THSD7B: variants seen among roughly 807,000 people sequenced by gnomAD.
The protein encoded by THSD7B is thrombospondin type-1 domain-containing protein 7B.
THSD7B carries 138 observed loss-of-function variants against 213.6 expected under a neutral mutation model. The ratio of observed to expected loss-of-function variants is 0.65; its 90% CI spans 0.56 to 0.74. The LOEUF (loss-of-function observed/expected upper bound fraction) is 0.74. Among genes scored for constraint, THSD7B ranks in the 30% least tolerant of loss-of-function variants. The pLI is 0.00. For missense variants in THSD7B, 1,931 were observed against 1,991.5 expected, an observed-to-expected ratio of 0.97 and a Z score of 0.58; for synonymous variants, 742 against 687.0, an observed-to-expected ratio of 1.08 and a Z score of -1.25.
At chr2:137,480,702 G>A (rs918371281) in intron 15 of THSD7B, among the ~76,000 whole-genome samples, 6 of 152,202 alleles carry the variant, frequency 3.9e-5, no homozygotes, top group African/African-American at 1.4e-4. Context: ...TTTCATTAGT[G>A]TTTGGAAGAG....
intron 15 of THSD7B, among the ~76,000 whole-genome samples, chr2:137,531,357 T>G (rs1365898243): frequency 6.6e-6 from 1 of 151,900 alleles, no homozygotes; most frequent in Non-Finnish European, 1.5e-5. Context: ...GACACATCGT[T>G]TTGTTGAGCA....
chr2:136,915,426 T>G (rs1573708129), intron 2 of THSD7B, among the ~76,000 whole-genome samples: 1 of 152,212 alleles, frequency 6.6e-6, no homozygotes, highest in African/African-American at 2.4e-5. Context: ...TATCACAGAG[T>G]TTTTAGGAAC....
Position 137,223,906 on chromosome 2 carries a change from C to T in THSD7B, c.1724-7138C>T, listed in dbSNP as rs13396158. Among the ~76,000 whole-genome samples the T allele has an allele frequency of 3.9e-5, 6 of 152,130 alleles. No individual in the cohort carries two copies. In the East Asian group the frequency reaches 5.8e-4, roughly 15 times the overall value. Reference sequence around the variant, plus strand: ...AAAGTGTGCAGTATCCTCCCACCCCCGCTTCCTCCTAACTCAGCCCTGTAA... The same window carrying T: ...AAAGTGTGCAGTATCCTCCCACCCCTGCTTCCTCCTAACTCAGCCCTGTAA... On this transcript the variant is annotated intron_variant, in intron 7 of 27. Coordinates refer to ENST00000409968, the MANE Select transcript of THSD7B (RefSeq NM_001316349.2).
chr2:137,202,638 G>C (rs920595495), intron 7 of THSD7B, among the ~76,000 whole-genome samples: 3 of 152,168 alleles, frequency 2.0e-5, no homozygotes, highest in Non-Finnish European at 2.9e-5. Flanking sequence ...CAAGTTTGTA[G>C]TAATTTGTTA....
At chr2:137,561,138 C>G (rs925308029) in intron 15 of THSD7B, among the ~76,000 whole-genome samples, 2 of 152,134 alleles carry the variant, frequency 1.3e-5, no homozygotes, top group African/African-American at 4.8e-5. Context: ...AGACATTCTC[C>G]CTGTCTTCCA....
intron 2 of THSD7B, among the ~76,000 whole-genome samples, chr2:136,998,261 CAAAAAAA>C (rs33931359): frequency 0.025 from 2,442 of 98,416 alleles, 34 homozygotes; most frequent in East Asian, 0.055. Context: ...ACTAAAAGGC[CAAAAAAA>C]AAAAAAAAAA....
intron 12 of THSD7B, among the ~76,000 whole-genome samples, chr2:137,306,388 T>C (rs1683746160): frequency 6.6e-6 from 1 of 152,126 alleles, no homozygotes; most frequent in African/African-American, 2.4e-5. Context: ...TATAAAACCA[T>C]CACACTTAAG....
chr2:136,882,659 G>A (rs1015128636), intron 2 of THSD7B, among the ~76,000 whole-genome samples: 1 of 152,124 alleles, frequency 6.6e-6, no homozygotes, highest in East Asian at 1.9e-4. Context: ...AGCTAAGAAC[G>A]CTTTGGACCA....
chr2:137,142,969 T>A (rs916937048), intron 5 of THSD7B, among the ~76,000 whole-genome samples: 3 of 152,172 alleles, frequency 2.0e-5, no homozygotes, highest in African/African-American at 7.2e-5. Flanking sequence ...TTAACAGATA[T>A]TTCAATGTTG....
chr2:137,055,908 C>T (rs1040146033), intron 2 of THSD7B, among the ~76,000 whole-genome samples: 5 of 152,184 alleles, frequency 3.3e-5, no homozygotes, highest in Non-Finnish European at 5.9e-5. Context: ...ACATATCTCT[C>T]TTCTGAGCTT....
At chr2:137,358,974 CAG>C (rs780280027) in intron 12 of THSD7B, among the ~76,000 whole-genome samples, 9 of 152,170 alleles carry the variant, frequency 5.9e-5, no homozygotes, top group Non-Finnish European at 1.2e-4. Flanking sequence ...GGGCATTCAT[CAG>C]AGATCAAAAA....
chr2:137,676,705 T>C lies in THSD7B; in HGVS notation c.*100T>C. The C allele has an allele frequency of 9.6e-7, 1 of 1,040,650 alleles. No homozygotes were observed. Among genetic ancestry groups the C allele is most frequent in the South Asian group, 2.0e-5 (1 of 50,382 alleles). The allele number at this position is 1,040,650 out of a possible 1,614,324, so 64.5% of individuals were successfully genotyped here. A position where few individuals can be genotyped will look rare whatever the true frequency, so the allele number is the denominator to read the frequency against. On this transcript the variant is annotated 3_prime_UTR_variant, in exon 28 of 28. Coordinates refer to ENST00000409968, the MANE Select transcript of THSD7B (RefSeq NM_001316349.2). ...TTTTTTGAGGAATCTCAAGATGTGA[T>C]ATATTGGGCAGAATACAAATATTGC... is the stretch of plus-strand genomic sequence containing the variant.
At chr2:137,647,324 A>G (rs1240864048) in intron 21 of THSD7B, among the ~76,000 whole-genome samples, 2 of 152,004 alleles carry the variant, frequency 1.3e-5, no homozygotes, top group African/African-American at 4.8e-5. Flanking sequence ...CTAATAATGG[A>G]TTGTAGCATG....
rs191689914 is a variant in THSD7B, at chr2:137,620,035, G to A, written c.3682-574G>A. 6.6e-5 allele frequency among the ~76,000 whole-genome samples: 10 copies of A among 152,166 alleles called. 1 individual carries two copies. Among genetic ancestry groups the A allele is most frequent in the Admixed American group, 3.9e-4 (6 of 15,286 alleles). ...TTTCACTAGGATCTCTGCTACCTTGGCCATTAGAAAATTTGTATGGTTTGC... is the reference window on the plus strand; with the variant it reads ...TTTCACTAGGATCTCTGCTACCTTGACCATTAGAAAATTTGTATGGTTTGC... On this transcript the variant is annotated intron_variant, in intron 19 of 27. Transcript: ENST00000409968.
intron 2 of THSD7B, among the ~76,000 whole-genome samples, chr2:137,026,402 T>A (rs1265866049): frequency 6.6e-6 from 1 of 152,182 alleles, no homozygotes; most frequent in East Asian, 1.9e-4. Context: ...TTGGGAAGTA[T>A]CTCTGCTTTA....
chr2:137,315,999 C>G (rs949284072), intron 12 of THSD7B, among the ~76,000 whole-genome samples: 1 of 152,046 alleles, frequency 6.6e-6, no homozygotes, highest in Non-Finnish European at 1.5e-5. Context: ...TTTGTGAATT[C>G]TTTTAAAATT....
At chr2:137,184,677 GTCTATA>G (rs1236252116) in intron 7 of THSD7B, among the ~76,000 whole-genome samples, 1 of 151,988 alleles carries the variant, frequency 6.6e-6, no homozygotes, top group Admixed American at 6.6e-5. Flanking sequence ...ATATGTCTAA[GTCTATA>G]TCTATATCTA....
At chr2:137,080,634 T>G (rs1228249525) in intron 3 of THSD7B, among the ~76,000 whole-genome samples, 2 of 152,164 alleles carry the variant, frequency 1.3e-5, no homozygotes, top group Non-Finnish European at 2.9e-5. Flanking sequence ...CTGTTTGTTA[T>G]GTCAGTTTTA....
At chr2:136,940,777 T>G (rs1283944426) in intron 2 of THSD7B, among the ~76,000 whole-genome samples, 1 of 148,224 alleles carries the variant, frequency 6.7e-6, no homozygotes, top group East Asian at 1.9e-4. Context: ...AGGAAAATAT[T>G]ATTTCACTAT....
Sources: allele counts gnomAD v4.1 joint callset (sites outside exome capture counted in the v4.1 genomes callset), GRCh38; gene constraint gnomAD v4.1.1; transcripts MANE v1.5; gene names NCBI Gene and HGNC (gene_info 2026-07-23, HGNC 2026-07-21).